The following PCDHA5 variants were observed in gnomAD, a reference collection of about 807,000 sequenced individuals.
PCDHA5 encodes the protein protocadherin alpha-5.
Under a neutral mutation model 61.6 loss-of-function variants are expected in PCDHA5, and 43 were observed. The observed-to-expected ratio is 0.70, with a 90% CI of 0.55 to 0.90. The LOEUF (loss-of-function observed/expected upper bound fraction) is 0.90. Ranked by LOEUF, PCDHA5 falls within the 40% of genes least tolerant of loss-of-function variation. PCDHA5 has a pLI of 0.00. For missense variants in PCDHA5, 1,298 were observed against 1,222.7 expected, an observed-to-expected ratio of 1.06 and a Z score of -0.92; for synonymous variants, 627 against 543.9, an observed-to-expected ratio of 1.15 and a Z score of -2.13.
At chr5:140,917,498 G>A (rs1303014069) in intron 1 of PCDHA5, among the ~76,000 whole-genome samples, 2 of 152,204 alleles carry the variant, frequency 1.3e-5, no homozygotes, top group African/African-American at 4.8e-5. Context: ...TGCCCAGAAT[G>A]ATATTTTCTA....
chr5:140,893,467 A>G (rs2064001411), intron 1 of PCDHA5, among the ~76,000 whole-genome samples: 1 of 152,186 alleles, frequency 6.6e-6, no homozygotes, highest in Non-Finnish European at 1.5e-5. Context: ...AGCCTGGGCA[A>G]CATAGCAAGA....
Position 140,823,944 on chromosome 5 carries a change from G to T in PCDHA5, c.2169G>T (p.Ser723=). ...TGCTGTACACCGCGCTGCGGTGCTC[G>T]GCGCAGCCCACCGAGGCCGTGTGCA... ...TLLLYTALRC[S]AQPTEAVCTR... Residue 723 remains serine (S), a synonymous_variant, in exon 1 of 4, where the codon TCG becomes TCT. Coordinates refer to ENST00000529859, the MANE Select transcript of PCDHA5 (RefSeq NM_018908.3). 1 of 1,613,944 alleles carries T rather than the reference G, an allele frequency of 6.2e-7. No individual in the cohort carries two copies. Among genetic ancestry groups the T allele is most frequent in the African/African-American group, 1.3e-5 (1 of 75,036 alleles).
intron 1 of PCDHA5, chr5:140,882,756 G>T: frequency 6.2e-7 from 1 of 1,614,238 alleles, no homozygotes; most frequent in Non-Finnish European, 8.5e-7. Flanking sequence ...GCAGATATTG[G>T]AGTAAACTCG....
chr5:140,869,522 T>A, intron 1 of PCDHA5: 1 of 1,614,172 alleles, frequency 6.2e-7, no homozygotes, highest in Non-Finnish European at 8.5e-7. Context: ...GAACAAAAGC[T>A]GCTGATTGCG....
At chr5:140,828,426 G>T (rs2150155253) in intron 1 of PCDHA5, 65 of 1,614,170 alleles carry the variant, frequency 4.0e-5, no homozygotes, top group Non-Finnish European at 5.4e-5. Flanking sequence ...ATCGTGGACA[G>T]GCCGCTGCAG....
At chr5:140,857,263 A>C (rs367883816) in intron 1 of PCDHA5, 1 of 1,598,420 alleles carries the variant, frequency 6.3e-7, no homozygotes, top group East Asian at 2.2e-5. Context: ...ATTACTACTC[A>C]TTGGTGCTGG....
At position 140,876,236 on chromosome 5, in the gene PCDHA5, T is replaced by A. The variant is rs782328225; in HGVS notation, c.2352+52109T>A. ...TATAAAGTAGTGTTGTCTGAAAATG[T>A]CCAAAACGACACAAGAGTGATCCAA... On this transcript the variant is annotated intron_variant, in intron 1 of 3. Coordinates refer to ENST00000529859, the MANE Select transcript of PCDHA5 (RefSeq NM_018908.3). The A allele has an allele frequency of 6.2e-7, 1 of 1,613,856 alleles. No homozygotes were observed. Among genetic ancestry groups the A allele is most frequent in the African/African-American group, 1.3e-5 (1 of 74,914 alleles).
intron 1 of PCDHA5, chr5:140,842,506 C>T: frequency 6.2e-7 from 1 of 1,613,804 alleles, no homozygotes; most frequent in South Asian, 1.1e-5. Context: ...ATGTCCCCTT[C>T]AAGCTGGTGT....
chr5:140,946,297 T>C (rs1238627119), intron 1 of PCDHA5, among the ~76,000 whole-genome samples: 5 of 151,730 alleles, frequency 3.3e-5, no homozygotes, highest in Non-Finnish European at 7.4e-5. Flanking sequence ...ACCTCACACC[T>C]GGTAGAATGG....
rs536794003 is a variant in PCDHA5, at chr5:140,982,215, G to A, written c.2412-260G>A. Reference sequence around the variant, plus strand: ...CTGTTAGATTTAGTGAGCGCCACATGGCGTTAATAAAAAACAGAATTGCCA... The same window carrying A: ...CTGTTAGATTTAGTGAGCGCCACATAGCGTTAATAAAAAACAGAATTGCCA... On this transcript the variant is annotated intron_variant, in intron 2 of 3. Coordinates refer to ENST00000529859, the MANE Select transcript of PCDHA5 (RefSeq NM_018908.3). The A allele has an allele frequency of 2.0e-5, 10 of 491,624 alleles. No individual in the cohort carries two copies. In the South Asian group the frequency reaches 3.6e-4, roughly 18 times the overall value. The allele number at this position is 491,624 out of a possible 1,614,324, so 30.5% of individuals were successfully genotyped here. A position where few individuals can be genotyped will look rare whatever the true frequency, so the allele number is the denominator to read the frequency against.
intron 1 of PCDHA5, chr5:140,828,357 G>A: frequency 6.2e-7 from 1 of 1,614,244 alleles, no homozygotes; most frequent in South Asian, 1.1e-5. Flanking sequence ...GTGAATTCTC[G>A]GATCGACCGC....
chr5:140,866,263 T>G (rs1051175533), intron 1 of PCDHA5: 1 of 152,174 alleles, frequency 6.6e-6, no homozygotes, highest in Non-Finnish European at 1.5e-5. Context: ...CTTTCTTTAC[T>G]GTGAATAAAG....
intron 1 of PCDHA5, chr5:140,881,249 A>G (rs1582554645): frequency 2.3e-6 from 1 of 434,858 alleles, no homozygotes; most frequent in Non-Finnish European, 3.1e-6. Context: ...AATGACGGCA[A>G]GGTTTTACTC....
chr5:140,927,967 AT>A, intron 1 of PCDHA5: 1 of 1,614,172 alleles, frequency 6.2e-7, no homozygotes, highest in Non-Finnish European at 8.5e-7. Context: ...TGGCACAGTG[AT>A]TGCTCTCTTT....
At chr5:140,904,303 G>A (rs1176685220) in intron 1 of PCDHA5, among the ~76,000 whole-genome samples, 3 of 151,902 alleles carry the variant, frequency 2.0e-5, no homozygotes, top group African/African-American at 7.3e-5. Flanking sequence ...CCATTCCTGA[G>A]TTTCTTCACT....
At chr5:140,982,608 T>C (rs782789536) in intron 3 of PCDHA5, 45 bp downstream of exon 3, 1 of 1,601,306 alleles carries the variant, frequency 6.2e-7, no homozygotes, top group Non-Finnish European at 8.5e-7. Flanking sequence ...TTCTGGAAAG[T>C]GATCAGATGA....
At chr5:140,872,364 G>A (rs538641401) in intron 1 of PCDHA5, among the ~76,000 whole-genome samples, 1 of 152,132 alleles carries the variant, frequency 6.6e-6, no homozygotes, top group South Asian at 2.1e-4. Context: ...AAGTGGTTCA[G>A]GCCTGTAATC....
At chr5:140,908,049 G>A (rs563362239) in intron 1 of PCDHA5, among the ~76,000 whole-genome samples, 19 of 152,210 alleles carry the variant, frequency 1.2e-4, no homozygotes, top group Admixed American at 1.0e-3. Flanking sequence ...TTGCACATCC[G>A]GCCATTTCTC....
At chr5:140,859,201 G>A (rs1356259348) in intron 1 of PCDHA5, 1 of 149,574 alleles carries the variant, frequency 6.7e-6, no homozygotes. Flanking sequence ...ATGATATTCA[G>A]GTATTAGCTC....
Sources: allele counts gnomAD v4.1 joint callset (sites outside exome capture counted in the v4.1 genomes callset), GRCh38; gene constraint gnomAD v4.1.1; transcripts MANE v1.5; gene names NCBI Gene and HGNC (gene_info 2026-07-23, HGNC 2026-07-21).